Variants in KCNH5 observed in about 807,000 individuals in gnomAD.
KCNH5 encodes the protein voltage-gated delayed rectifier potassium channel KCNH5.
Under a neutral mutation model 96.1 loss-of-function variants are expected in KCNH5, and 46 were observed. The ratio of observed to expected loss-of-function variants is 0.48; its 90% confidence interval spans 0.38 to 0.61. KCNH5 has a LOEUF of 0.61. KCNH5 is among the 20% of genes least tolerant of loss of function. The pLI is 0.00. For synonymous variants in KCNH5, 439 were observed against 449.8 expected, an observed-to-expected ratio of 0.98 and a Z score of 0.30; for missense variants, 907 against 1,225.8, an observed-to-expected ratio of 0.74 and a Z score of 3.88.
At position 62,779,739 on chromosome 14, in the gene KCNH5, G is replaced by C; in HGVS notation, c.2008C>G (p.Leu670Val). Reference sequence around the variant, plus strand: ...CCCAGAGAACATACCCGTTTCCTCAGATTGCAAGTAAGAGTGAGATTCCTT... The same window carrying C: ...CCCAGAGAACATACCCGTTTCCTCACATTGCAAGTAAGAGTGAGATTCCTT... ...FSRNLTLTCN[L>V]RKRIIFRKIS... The change falls in exon 10 of 11, where the codon CTG becomes GTG. Residue 670 changes from leucine to valine, a missense_variant. Transcript: ENST00000322893. 1 of 1,613,158 alleles carries C rather than the reference G, an allele frequency of 6.2e-7. No homozygotes were observed.
At chr14:62,777,649 G>C (rs867650012) in intron 10 of KCNH5, among the ~76,000 whole-genome samples, 1 of 152,170 alleles carries the variant, frequency 6.6e-6, no homozygotes, top group South Asian at 2.1e-4. Flanking sequence ...ATTGACACCA[G>C]TTATAACAGG....
At chr14:62,753,498 A>G (rs1885548355) in intron 10 of KCNH5, among the ~76,000 whole-genome samples, 1 of 152,180 alleles carries the variant, frequency 6.6e-6, no homozygotes, top group Non-Finnish European at 1.5e-5. Flanking sequence ...AGGTTATAGA[A>G]CACAAAGCAG....
At chr14:62,766,326 G>A (rs924968294) in intron 10 of KCNH5, among the ~76,000 whole-genome samples, 1 of 152,082 alleles carries the variant, frequency 6.6e-6, no homozygotes, top group African/African-American at 2.4e-5. Context: ...CCACTGCTGG[G>A]TATATACCCA....
intron 8 of KCNH5, among the ~76,000 whole-genome samples, chr14:62,806,966 A>T (rs1886779388): frequency 6.6e-6 from 1 of 152,088 alleles, no homozygotes; most frequent in South Asian, 2.1e-4. Context: ...GAAACTTGAG[A>T]GCTGACAGGA....
At chr14:62,817,262 A>T (rs1196899858) in intron 8 of KCNH5, among the ~76,000 whole-genome samples, 3 of 136,678 alleles carry the variant, frequency 2.2e-5, no homozygotes, top group East Asian at 2.0e-4. Flanking sequence ...TATATATATA[A>T]TATATATATA....
chr14:62,783,528 C>T (rs1029661239), intron 9 of KCNH5, among the ~76,000 whole-genome samples: 1 of 152,106 alleles, frequency 6.6e-6, no homozygotes, highest in African/African-American at 2.4e-5. Flanking sequence ...CAATTATAAT[C>T]CTTTACCCAT....
intron 10 of KCNH5, among the ~76,000 whole-genome samples, chr14:62,748,520 A>C (rs559431935): frequency 1.3e-5 from 2 of 152,128 alleles, no homozygotes; most frequent in Admixed American, 6.5e-5. Flanking sequence ...GCCCTTATTC[A>C]AGATGGAGTC....
intron 10 of KCNH5, among the ~76,000 whole-genome samples, chr14:62,763,978 C>T (rs751031481): frequency 2.0e-5 from 3 of 152,082 alleles, no homozygotes; most frequent in Non-Finnish European, 4.4e-5. Flanking sequence ...GGTACCAATA[C>T]TATTCCAAAA....
intron 7 of KCNH5, among the ~76,000 whole-genome samples, chr14:62,897,397 G>GT (rs1196129018): frequency 5.9e-5 from 9 of 152,124 alleles, no homozygotes; most frequent in Non-Finnish European, 8.8e-5. Context: ...GGCAAGAAAA[G>GT]TATTTTTATT....
At position 62,700,857 on chromosome 14, in the gene KCNH5, T is replaced by C. The variant is rs1316352846; in HGVS notation, c.*6651A>G. On this transcript the variant is annotated 3_prime_UTR_variant, in exon 11 of 11. Coordinates refer to ENST00000322893, the MANE Select transcript of KCNH5 (RefSeq NM_139318.5). ...TCTAGGAACAACAATAATCTTTATG[T>C]TGCTTTTTGCCAAAGTCCAATTTCT... The C allele has an allele frequency of 2.6e-5, 4 of 152,176 alleles. No individual in the cohort carries two copies. The highest frequency in any genetic ancestry group is 7.2e-5 in the African/African-American group (3 of 41,468). The allele number at this position is 152,176 out of a possible 1,614,324, so 9.4% of individuals were successfully genotyped here.
chr14:62,801,223 G>C (rs565514104), intron 9 of KCNH5, among the ~76,000 whole-genome samples: 2 of 151,734 alleles, frequency 1.3e-5, no homozygotes, highest in Non-Finnish European at 2.9e-5. Flanking sequence ...TTTTACTTTT[G>C]AGAATAAGTG....
intron 1 of KCNH5, among the ~76,000 whole-genome samples, chr14:63,024,849 C>G (rs151273914): frequency 3.5e-4 from 53 of 152,150 alleles, no homozygotes; most frequent in African/African-American, 1.2e-3. Flanking sequence ...TCAAACTCTT[C>G]CAAAAAATTA....
At chr14:62,764,477 T>G (rs751189867) in intron 10 of KCNH5, among the ~76,000 whole-genome samples, 66 of 152,226 alleles carry the variant, frequency 4.3e-4, no homozygotes, top group Non-Finnish European at 7.2e-4. Flanking sequence ...CAAGGATGCC[T>G]ACTCTCACCA....
chr14:62,970,042 T>C (rs1890375236), intron 6 of KCNH5, among the ~76,000 whole-genome samples: 1 of 63,752 alleles, frequency 1.6e-5, no homozygotes, highest in Non-Finnish European at 3.3e-5. Flanking sequence ...TGAGACTCCG[T>C]CTAAAAAAAA....
intron 7 of KCNH5, among the ~76,000 whole-genome samples, chr14:62,914,856 T>C (rs985584587): frequency 2.0e-5 from 3 of 152,240 alleles, no homozygotes; most frequent in African/African-American, 7.2e-5. Context: ...ATGCCGAACG[T>C]GCATACCTCG....
chr14:62,929,314 C>T (rs1889536414), intron 7 of KCNH5, among the ~76,000 whole-genome samples: 1 of 152,094 alleles, frequency 6.6e-6, no homozygotes, highest in Non-Finnish European at 1.5e-5. Flanking sequence ...CCCAAACCAA[C>T]ATCGTCTTTC....
At chr14:62,821,575 C>G (rs747345538) in intron 8 of KCNH5, among the ~76,000 whole-genome samples, 2 of 151,896 alleles carry the variant, frequency 1.3e-5, no homozygotes, top group Non-Finnish European at 2.9e-5. Flanking sequence ...GGCAATAAGC[C>G]CTAACTTGAA....
At chr14:62,822,777 G>C (rs1011430651) in intron 8 of KCNH5, among the ~76,000 whole-genome samples, 1 of 151,636 alleles carries the variant, frequency 6.6e-6, no homozygotes. Context: ...GAATTTTATC[G>C]ATCATTTTCA....
intron 7 of KCNH5, among the ~76,000 whole-genome samples, chr14:62,861,801 A>G (rs897347133): frequency 6.6e-6 from 1 of 152,188 alleles, no homozygotes; most frequent in Non-Finnish European, 1.5e-5. Context: ...AACTACAATG[A>G]TAAGACTTCA....
Sources: allele counts gnomAD v4.1 joint callset (sites outside exome capture counted in the v4.1 genomes callset), GRCh38; gene constraint gnomAD v4.1.1; transcripts MANE v1.5; gene names NCBI Gene and HGNC (gene_info 2026-07-23, HGNC 2026-07-21).